The following TP53BP1 variants were observed in gnomAD, a reference collection of about 807,000 sequenced individuals.
The protein encoded by TP53BP1 is TP53-binding protein 1.
In TP53BP1, 61 loss-of-function variants were observed where a neutral mutation model predicts 200.8. The observed-to-expected ratio is 0.30, with a 90% CI of 0.25 to 0.38. The LOEUF (loss-of-function observed/expected upper bound fraction) is 0.38, where lower values mean the gene tolerates loss of function less well. Among genes scored for constraint, TP53BP1 ranks in the 10% least tolerant of loss-of-function variants. The pLI, the probability that TP53BP1 is intolerant of heterozygous loss-of-function variation, is 1.00. For synonymous variants in TP53BP1, 822 were observed against 844.3 expected, an observed-to-expected ratio of 0.97 and a Z score of 0.46; for missense variants, 2,144 against 2,371.9, an observed-to-expected ratio of 0.90 and a Z score of 2.00.
Position 43,447,488 on chromosome 15 carries a change from GAAAAAA to G in TP53BP1, c.2717-9_2717-4del, listed in dbSNP as rs749575788. On this transcript the variant is annotated splice_region_variant and splice_polypyrimidine_tract_variant and intron_variant, in intron 12 of 27. Coordinates refer to ENST00000382044, the MANE Select transcript of TP53BP1 (RefSeq NM_001141980.3). ...CAAAGTGAAATGAAATGGGGTTTCT[GAAAAAA>G]AAAAAAAAAAGAAAAAAGAAAGAAA... is the stretch of plus-strand genomic sequence containing the variant. 1.7e-5 allele frequency: 16 copies of G among 954,440 alleles called. No homozygotes were observed. The highest frequency in any genetic ancestry group is 8.7e-5 in the South Asian group (3 of 34,482). The allele number at this position is 954,440 out of a possible 1,614,324, so 59.1% of individuals were successfully genotyped here.
chr15:43,422,891 A>G (rs754249698), intron 18 of TP53BP1, among the ~76,000 whole-genome samples: 41 of 151,692 alleles, frequency 2.7e-4, no homozygotes, highest in Admixed American at 2.2e-3. Flanking sequence ...GCTACTTGGG[A>G]GGCTGAGGTG....
intron 12 of TP53BP1, among the ~76,000 whole-genome samples, chr15:43,451,849 A>G (rs1361165125): frequency 6.6e-6 from 1 of 152,192 alleles, no homozygotes; most frequent in East Asian, 1.9e-4. Context: ...TATCATTTAA[A>G]TTTGGCCAGG....
intron 4 of TP53BP1, among the ~76,000 whole-genome samples, chr15:43,489,643 C>T (rs1422725346): frequency 6.6e-6 from 1 of 152,214 alleles, no homozygotes; most frequent in Non-Finnish European, 1.5e-5. Flanking sequence ...GACTGCTACT[C>T]ATAACTCCAG....
In TP53BP1 at chr15:43,479,971, C is replaced by T. The variant is rs996522215; in HGVS notation, c.546G>A (p.Gln182=). 3 of 1,614,006 alleles carry T rather than the reference C, an allele frequency of 1.9e-6. No homozygotes were observed. The highest frequency in any genetic ancestry group is 2.5e-6 in the Non-Finnish European group (3 of 1,180,046). Residue 182 remains glutamine (Q), a synonymous_variant, in exon 6 of 28, where the codon CAG becomes CAA. Transcript: ENST00000382044. ...CAGTATTTTCCTCAACATCCTGGCT[C>T]TGGGAGAGTTCCAGAACCCCAAAAC... ...QLGFGVLELS[Q]SQDVEENTVP...
At chr15:43,496,866 C>T (rs2140169503), upstream of TP53BP1, among the ~76,000 whole-genome samples, 1 of 152,244 alleles carries the variant, frequency 6.6e-6, no homozygotes, top group African/African-American at 2.4e-5. Context: ...GGTGATCCGC[C>T]CACCTCAGCC....
chr15:43,406,499 A>G lies in TP53BP1; in HGVS notation c.*884T>C. On this transcript the variant is annotated 3_prime_UTR_variant, in exon 28 of 28. Coordinates refer to ENST00000382044, the MANE Select transcript of TP53BP1 (RefSeq NM_001141980.3). The stretch of plus-strand genomic sequence containing the variant: ...CACAGCCATGCCCATTTGTTTACTC[A>G]TTGTCTATGGTTGCTTTCATGCCCT... 2.3e-6 allele frequency: 1 copy of G among 429,404 alleles called. No individual in the cohort carries two copies. Among genetic ancestry groups the G allele is most frequent in the South Asian group, 1.7e-5 (1 of 59,426 alleles). 26.6% of individuals were successfully genotyped at this position (429,404 alleles called of 1,614,324 possible).
At position 43,413,347 on chromosome 15, in the gene TP53BP1, G is replaced by C. The variant is rs753838990; in HGVS notation, c.5090-13C>G. Reference sequence around the variant, plus strand: ...GCCCCTACTGCACCTGGGAAGGACAGGGGCACAGTTACTAGAGGGATACAC... The same window carrying C: ...GCCCCTACTGCACCTGGGAAGGACACGGGCACAGTTACTAGAGGGATACAC... On this transcript the variant is annotated splice_polypyrimidine_tract_variant and intron_variant, in intron 23 of 27. Transcript: ENST00000382044. The C allele has an allele frequency of 6.2e-6, 10 of 1,610,704 alleles. No homozygotes were observed. In the South Asian group the frequency reaches 9.9e-5, roughly 16 times the overall value.
chr15:43,503,150 C>CGTGTGT (rs750017981), intron 1 of TP53BP1, among the ~76,000 whole-genome samples: 2 of 152,140 alleles, frequency 1.3e-5, no homozygotes, highest in Non-Finnish European at 2.9e-5. Context: ...TAAATGGGTG[C>CGTGTGT]GTGTGTGTGT....
chr15:43,431,192 C>T (rs1036277958), intron 17 of TP53BP1, among the ~76,000 whole-genome samples: 1 of 152,024 alleles, frequency 6.6e-6, no homozygotes, highest in Non-Finnish European at 1.5e-5. Context: ...GTATTTAAAC[C>T]TTAGTATTTC....
Position 43,404,378 on chromosome 15 carries a change from G to A in TP53BP1, c.*3005C>T. ...CCTCCATATGGAGAGTTGGTGAGCTGAAGTGGAATGACAGCTGAGTCCTTC... is the reference window on the plus strand; with the variant it reads ...CCTCCATATGGAGAGTTGGTGAGCTAAAGTGGAATGACAGCTGAGTCCTTC... On this transcript the variant is annotated 3_prime_UTR_variant, in exon 28 of 28. Transcript: ENST00000382044. 1.2e-6 allele frequency: 2 copies of A among 1,612,942 alleles called. No individual in the cohort carries two copies. Among genetic ancestry groups the A allele is most frequent in the Non-Finnish European group, 1.7e-6 (2 of 1,179,302 alleles).
chr15:43,503,204 T>C (rs566941456), intron 1 of TP53BP1, among the ~76,000 whole-genome samples: 35 of 152,384 alleles, frequency 2.3e-4, no homozygotes, highest in African/African-American at 7.9e-4. Flanking sequence ...CAATCAAATA[T>C]AGAACATATC....
upstream of TP53BP1, among the ~76,000 whole-genome samples, chr15:43,497,841 G>A (rs900177845): frequency 1.5e-4 from 23 of 152,192 alleles, no homozygotes; most frequent in African/African-American, 4.3e-4. Flanking sequence ...TGTACTTAAT[G>A]CCACTGAACC....
intron 11 of TP53BP1, among the ~76,000 whole-genome samples, chr15:43,466,407 A>T (rs2046581785): frequency 6.6e-6 from 1 of 152,236 alleles, no homozygotes; most frequent in African/African-American, 2.4e-5. Flanking sequence ...ATAAAAAAAG[A>T]CAATTACAAT....
At chr15:43,431,745 T>C (rs1166573660) in intron 17 of TP53BP1, among the ~76,000 whole-genome samples, 1 of 152,230 alleles carries the variant, frequency 6.6e-6, no homozygotes, top group Admixed American at 6.5e-5. Flanking sequence ...CTGTTTCATA[T>C]ACTGAAATAC....
In TP53BP1 at chr15:43,404,323, T is replaced by C. The variant is rs1468515560; in HGVS notation, c.*3060A>G. On this transcript the variant is annotated 3_prime_UTR_variant, in exon 28 of 28. Coordinates refer to ENST00000382044, the MANE Select transcript of TP53BP1 (RefSeq NM_001141980.3). Reference sequence around the variant, plus strand: ...GTTCTGTAGAATTTTGAACAAGGCTTTTCCAAGAAACTCCTCCCTCCGCCC... The same window carrying C: ...GTTCTGTAGAATTTTGAACAAGGCTCTTCCAAGAAACTCCTCCCTCCGCCC... 3.9e-6 allele frequency: 6 copies of C among 1,521,140 alleles called. No homozygotes were observed. Among genetic ancestry groups the C allele is most frequent in the East Asian group, 4.5e-5 (2 of 43,990 alleles). The allele number at this position is 1,521,140 out of a possible 1,614,324, so 94.2% of individuals were successfully genotyped here.
At chr15:43,475,835 T>C (rs780813983) in intron 8 of TP53BP1, 141 bp from the exon 9 acceptor site, 13 of 1,022,530 alleles carry the variant, frequency 1.3e-5, no homozygotes, top group East Asian at 5.1e-5. Flanking sequence ...TTTCTAATTA[T>C]AGTACAACGA....
At chr15:43,479,084 T>C (rs1417679016) in intron 7 of TP53BP1, among the ~76,000 whole-genome samples, 1 of 152,068 alleles carries the variant, frequency 6.6e-6, no homozygotes, top group Non-Finnish European at 1.5e-5. Context: ...AAAAAGGTCT[T>C]TGTAGAATGC....
At chr15:43,495,422 C>T (rs566390293), upstream of TP53BP1, among the ~76,000 whole-genome samples, 1 of 150,648 alleles carries the variant, frequency 6.6e-6, no homozygotes, top group Admixed American at 6.7e-5. Flanking sequence ...TTGCTTGAAC[C>T]CTGGAGGCGT....
intron 11 of TP53BP1, among the ~76,000 whole-genome samples, chr15:43,463,327 T>A (rs2046484315): frequency 6.6e-6 from 1 of 152,142 alleles, no homozygotes; most frequent in African/African-American, 2.4e-5. Context: ...TAGACAAAAT[T>A]ACCTTTATCC....
Sources: allele counts gnomAD v4.1 joint callset (sites outside exome capture counted in the v4.1 genomes callset), GRCh38; gene constraint gnomAD v4.1.1; transcripts MANE v1.5; gene names NCBI Gene and HGNC (gene_info 2026-07-23, HGNC 2026-07-21).